MROH9: variants seen among roughly 807,000 people sequenced by gnomAD.
MROH9 encodes maestro heat-like repeat-containing protein family member 9.
In MROH9, 92 loss-of-function variants were observed where a neutral mutation model predicts 98.2. The observed-to-expected ratio is 0.94, with a 90% CI of 0.79 to 1.11. MROH9 has a LOEUF of 1.11. Ranked by LOEUF, MROH9 falls within the 50% of genes most tolerant of loss-of-function variation. MROH9 has a pLI of 0.00. For synonymous variants in MROH9, 397 were observed against 368.9 expected (o/e 1.08, Z -0.87); for missense variants, 1,057 against 1,014.8 (o/e 1.04, Z -0.57).
At chr1:170,969,425 A>T (rs896725780) in intron 7 of MROH9, among the ~76,000 whole-genome samples, 1 of 152,224 alleles carries the variant, frequency 6.6e-6, no homozygotes, top group African/African-American at 2.4e-5. Context: ...ACAAGAAATA[A>T]AAGTATTAAT....
intron 3 of MROH9, among the ~76,000 whole-genome samples, chr1:170,953,752 G>T (rs909852744): frequency 2.4e-4 from 34 of 139,594 alleles, no homozygotes; most frequent in African/African-American, 8.5e-4. Context: ...GAAAAGAAAA[G>T]AAAAGAAAGA....
chr1:170,979,278 C>A (rs970962391), intron 8 of MROH9, among the ~76,000 whole-genome samples: 4 of 152,098 alleles, frequency 2.6e-5, no homozygotes, highest in Admixed American at 6.5e-5. Flanking sequence ...AATGATTTCC[C>A]TGAAACATCA....
At chr1:171,031,200 C>T (rs958725363) in intron 20 of MROH9, among the ~76,000 whole-genome samples, 6 of 152,152 alleles carry the variant, frequency 3.9e-5, no homozygotes, top group African/African-American at 1.2e-4. Flanking sequence ...GATGGCTCTC[C>T]TGAATACAGC....
chr1:171,000,058 A>T (rs1311879387), intron 15 of MROH9, among the ~76,000 whole-genome samples: 1 of 151,788 alleles, frequency 6.6e-6, no homozygotes, highest in African/African-American at 2.4e-5. Context: ...GATTTGTTTG[A>T]GTTCATTGTA....
intron 8 of MROH9, among the ~76,000 whole-genome samples, chr1:170,973,369 C>T (rs192735256): frequency 1.1e-3 from 161 of 152,204 alleles, no homozygotes; most frequent in African/African-American, 3.6e-3. Flanking sequence ...AGGTACAGTA[C>T]TCAGACGGGT....
intron 1 of MROH9, among the ~76,000 whole-genome samples, chr1:170,938,715 C>T (rs574179679): frequency 7.9e-4 from 121 of 152,334 alleles, no homozygotes; most frequent in African/African-American, 2.3e-3. Flanking sequence ...CATACCTGGA[C>T]GGCAAATCCA....
At chr1:170,958,423 A>C (rs1557873486) in intron 3 of MROH9, 38 bp from the exon 4 acceptor site, 1 of 1,163,244 alleles carries the variant, frequency 8.6e-7, no homozygotes. Flanking sequence ...GTAATCATTA[A>C]TTCTTCTTTT....
chr1:170,961,058 C>T (rs947469564), intron 5 of MROH9, among the ~76,000 whole-genome samples: 4 of 151,940 alleles, frequency 2.6e-5, no homozygotes, highest in Admixed American at 1.3e-4. Context: ...ATTTTTTTTA[C>T]ATAGATAGTA....
At chr1:170,939,461 C>G (rs1487991892) in intron 1 of MROH9, among the ~76,000 whole-genome samples, 1 of 152,172 alleles carries the variant, frequency 6.6e-6, no homozygotes, top group Admixed American at 6.5e-5. Flanking sequence ...GCCTGTATAT[C>G]ATGTAGAACC....
At chr1:171,006,734 G>T (rs768021736) in intron 15 of MROH9, among the ~76,000 whole-genome samples, 2 of 120,558 alleles carry the variant, frequency 1.7e-5, no homozygotes, top group Admixed American at 8.8e-5. Context: ...ATTCTTTCTT[G>T]TGTGTGATCA....
Position 170,970,731 on chromosome 1 carries a change from T to TGTGAGAGAGA in MROH9, c.481-1016_481-1015insTGAGAGAGAG, listed in dbSNP as rs1491154307. Among the ~76,000 whole-genome samples the TGTGAGAGAGA allele has an allele frequency of 4.3e-3, 391 of 90,806 alleles. 6 individuals are homozygous for TGTGAGAGAGA. Among genetic ancestry groups the TGTGAGAGAGA allele is most frequent in the South Asian group, 0.021 (50 of 2,364 alleles). 59.6% of individuals were successfully genotyped at this position (90,806 alleles called of 152,430 possible). A position where few individuals can be genotyped will look rare whatever the true frequency, so the allele number is the denominator to read the frequency against. On this transcript the variant is annotated intron_variant, in intron 7 of 21. Coordinates refer to ENST00000367759, the MANE Select transcript of MROH9 (RefSeq NM_001163629.2). ...GTGTGTGTGTGTGTGTGTGTGTGTG[T>TGTGAGAGAGA]GAGAGAGAGAGAGAGAGAGAGAGAG... is the stretch of plus-strand genomic sequence containing the variant.
At position 170,989,936 on chromosome 1, in the gene MROH9, T is replaced by C; in HGVS notation, c.961T>C (p.Leu321=). The C allele has an allele frequency of 6.2e-7, 1 of 1,613,550 alleles. No homozygotes were observed. Among genetic ancestry groups the C allele is most frequent in the Non-Finnish European group, 8.5e-7 (1 of 1,179,590 alleles). ...GGATGTTATGTTGCAGGTTATCACT[T>C]TGTTGACATGCACTTCACCCAAGAA... ...MKDVMLQVIT[L]LTCTSPKKVI... is the part of the protein sequence containing the mutation. The change falls in exon 11 of 22, where the codon TTG becomes CTG. Residue 321 remains leucine (L), a synonymous_variant. Transcript: ENST00000367759.
At chr1:170,946,705 T>G (rs1649343320) in intron 2 of MROH9, among the ~76,000 whole-genome samples, 2 of 151,948 alleles carry the variant, frequency 1.3e-5, no homozygotes, top group African/African-American at 4.8e-5. Flanking sequence ...CTAGAAAATC[T>G]AAATATACCG....
chr1:170,936,954 T>C (rs1262616469), intron 1 of MROH9, among the ~76,000 whole-genome samples: 5 of 152,218 alleles, frequency 3.3e-5, no homozygotes, highest in Non-Finnish European at 7.3e-5. Context: ...ACATCATTTC[T>C]TACTTTTCAA....
chr1:170,945,097 G>C (rs917693324), intron 1 of MROH9, among the ~76,000 whole-genome samples: 2 of 151,918 alleles, frequency 1.3e-5, no homozygotes, highest in Non-Finnish European at 2.9e-5. Flanking sequence ...TCTGGAACAG[G>C]TCATATGGCA....
intron 1 of MROH9, among the ~76,000 whole-genome samples, chr1:170,939,768 C>T (rs564952374): frequency 6.6e-6 from 1 of 152,238 alleles, no homozygotes; most frequent in South Asian, 2.1e-4. Context: ...TAACTTGGTG[C>T]CACGTGGTCA....
chr1:170,995,744 G>C (rs1297565369), intron 13 of MROH9, among the ~76,000 whole-genome samples: 1 of 152,084 alleles, frequency 6.6e-6, no homozygotes, highest in Non-Finnish European at 1.5e-5. Context: ...AGCATGTGTA[G>C]TATATAAAGA....
chr1:170,969,608 A>G (rs919223686), intron 7 of MROH9, among the ~76,000 whole-genome samples: 2 of 152,168 alleles, frequency 1.3e-5, no homozygotes, highest in African/African-American at 4.8e-5. Flanking sequence ...GACTTCCAGA[A>G]GAAGCAGCTG....
chr1:170,965,438 T>A (rs929814941), intron 7 of MROH9, among the ~76,000 whole-genome samples, 183 bp downstream of exon 7: 1 of 151,714 alleles, frequency 6.6e-6, no homozygotes, highest in African/African-American at 2.4e-5. Context: ...CAGAACAGAG[T>A]TTCTCAAACA....
Sources: gnomAD v4.1 joint callset for allele counts (sites outside exome capture counted in the v4.1 genomes callset) on GRCh38, gnomAD v4.1.1 for gene constraint, MANE v1.5 for transcripts, NCBI Gene and HGNC (gene_info 2026-07-23, HGNC 2026-07-21) for gene names.